The following APOLD1 variants were observed in gnomAD, a reference collection of about 807,000 sequenced individuals.
APOLD1 encodes apolipoprotein L domain containing 1, also known as apolipoprotein L domain-containing protein 1.
In APOLD1, 22 loss-of-function variants were observed where a neutral mutation model predicts 15.3. That is an observed-to-expected ratio of 1.44 (90% CI 1.03 to 2.05). The LOEUF is 2.05. APOLD1 is among the 30% of genes most tolerant of loss of function. The probability of loss-of-function intolerance (pLI) is 0.00; values close to 1 mark genes in which losing one functional copy is unlikely to be tolerated. For missense variants in APOLD1, 394 were observed against 353.5 expected (o/e 1.11, Z -0.92); for synonymous variants, 190 against 167.4 (o/e 1.13, Z -1.04).
chr12:12,746,751 G>T (rs1222795622), intron 1 of APOLD1, among the ~76,000 whole-genome samples: 4 of 152,086 alleles, frequency 2.6e-5, no homozygotes, highest in African/African-American at 9.7e-5. Context: ...AGTAGTGAAC[G>T]TAGTACCTGA....
chr12:12,755,634 A>T (rs1279413437), intron 1 of APOLD1, among the ~76,000 whole-genome samples: 1 of 152,208 alleles, frequency 6.6e-6, no homozygotes, highest in Non-Finnish European at 1.5e-5. Context: ...TAAGCTCAGG[A>T]GTTCAGGACC....
At chr12:12,751,196 G>A (rs2136379939) in intron 1 of APOLD1, among the ~76,000 whole-genome samples, 1 of 152,206 alleles carries the variant, frequency 6.6e-6, no homozygotes, top group East Asian at 1.9e-4. Context: ...TGGTATGAGA[G>A]GGAAGGGTAA....
intron 1 of APOLD1, among the ~76,000 whole-genome samples, chr12:12,759,700 GCCTTGACGTCAGTATAT>G (rs1416520370): frequency 3.9e-5 from 6 of 152,186 alleles, no homozygotes; most frequent in Non-Finnish European, 7.3e-5. Context: ...AGCTCGGGCT[GCCTTGACGTCAGTATAT>G]CCAGTTACCC....
At chr12:12,776,686 T>C (rs996383566) in intron 1 of APOLD1, among the ~76,000 whole-genome samples, 1 of 152,182 alleles carries the variant, frequency 6.6e-6, no homozygotes. Flanking sequence ...CAGCATCAGA[T>C]ATGTCCAAAA....
chr12:12,785,487 A>C (rs1443073028), upstream of APOLD1: 1 of 713,892 alleles, frequency 1.4e-6, no homozygotes, highest in Non-Finnish European at 2.3e-6. Context: ...TCGTTTCCTA[A>C]ATACGGGATG....
chr12:12,760,230 A>G (rs188128303), intron 1 of APOLD1, among the ~76,000 whole-genome samples: 137 of 152,064 alleles, frequency 9.0e-4, no homozygotes, highest in African/African-American at 3.2e-3. Flanking sequence ...GGAGGCTGAG[A>G]TGGGAGGATC....
At chr12:12,755,594 A>G (rs1471534470) in intron 1 of APOLD1, among the ~76,000 whole-genome samples, 1 of 152,242 alleles carries the variant, frequency 6.6e-6, no homozygotes, top group Non-Finnish European at 1.5e-5. Flanking sequence ...TAATCCCAGC[A>G]CTTTCCAAGG....
chr12:12,751,208 G>T (rs1052235490), intron 1 of APOLD1, among the ~76,000 whole-genome samples: 1 of 152,124 alleles, frequency 6.6e-6, no homozygotes, highest in Non-Finnish European at 1.5e-5. Flanking sequence ...GAAGGGTAAC[G>T]TCATGAAGGT....
At chr12:12,728,127 A>G (rs1177740672) in intron 1 of APOLD1, among the ~76,000 whole-genome samples, 1 of 151,656 alleles carries the variant, frequency 6.6e-6, no homozygotes, top group Non-Finnish European at 1.5e-5. Flanking sequence ...CACCACATCC[A>G]GCAGTTTTTT....
rs752328063 is a variant in APOLD1 at position 12,787,643 on chromosome 12, G to A, written c.738G>A (p.Leu246=). Residue 246 remains leucine, a synonymous_variant, in exon 2 of 2, where the codon CTG becomes CTA. Transcript: ENST00000356591. The surrounding 1 kb of genome is among the most constrained non-coding windows in gnomAD (Gnocchi z 4.9). The part of the protein sequence containing the change: ...LKISADQRAG[L]FF Reference sequence around the variant, plus strand: ...TCTCTGCTGACCAGCGTGCAGGGCTGTTTTTCTGAGAACATCCTTTCCCCC... The same window carrying A: ...TCTCTGCTGACCAGCGTGCAGGGCTATTTTTCTGAGAACATCCTTTCCCCC... The A allele has an allele frequency of 5.0e-6, 8 of 1,589,482 alleles. No individual in the cohort carries two copies. In the Admixed American group the frequency reaches 1.4e-4, roughly 27 times the overall value.
At chr12:12,772,482 G>A (rs537954250) in intron 1 of APOLD1, among the ~76,000 whole-genome samples, 1 of 152,328 alleles carries the variant, frequency 6.6e-6, no homozygotes, top group East Asian at 1.9e-4. Context: ...GTCAAAATTT[G>A]TGAAGCAAAA....
intron 1 of APOLD1, among the ~76,000 whole-genome samples, chr12:12,779,699 A>G (rs796635734): frequency 1.3e-5 from 2 of 152,350 alleles, no homozygotes; most frequent in African/African-American, 4.8e-5. Flanking sequence ...TAACAGGGAA[A>G]TGACTAAGCA....
In APOLD1 at chr12:12,787,826, G is replaced by T. The variant is rs1413411901; in HGVS notation, c.*174G>T. 2 of 892,144 alleles carry T rather than the reference G, an allele frequency of 2.2e-6. No homozygotes were observed. Among genetic ancestry groups the T allele is most frequent in the East Asian group, 5.4e-5 (2 of 36,922 alleles). The allele number at this position is 892,144 out of a possible 1,614,324, so 55.3% of individuals were successfully genotyped here. On this transcript the variant is annotated 3_prime_UTR_variant, in exon 2 of 2. Coordinates refer to ENST00000356591, the MANE Select transcript of APOLD1 (RefSeq NM_030817.3). This position sits in a 1 kb window ranked among gnomAD's most constrained non-coding sequence, Gnocchi z 4.9. The stretch of plus-strand genomic sequence containing the variant: ...AAAGCCCTTCTTTTCCCATCACTGT[G>T]ACATCTGCCTGGGCTTGAGTGCTAC...
At chr12:12,781,518 C>T (rs1466419692), upstream of APOLD1, among the ~76,000 whole-genome samples, 1 of 151,080 alleles carries the variant, frequency 6.6e-6, no homozygotes, top group African/African-American at 2.4e-5. Flanking sequence ...GCGTAATTAT[C>T]ACTTTATCTT....
chr12:12,733,059 A>G lies in APOLD1; in HGVS notation c.96+6963A>G, dbSNP rs116941107. Among the ~76,000 whole-genome samples, 33 of 152,134 alleles carry G rather than the reference A, an allele frequency of 2.2e-4. No individual in the cohort carries two copies. In the East Asian group the frequency reaches 5.6e-3, roughly 26 times the overall value. ...CTGGGCAGGGTGGCTCATGCCTGTA[A>G]TCCCAGCACTTTGGGAGACCGAGAG... On this transcript the variant is annotated intron_variant, in intron 1 of 1. Transcript: ENST00000326765.
chr12:12,756,082 C>CT (rs1239664747), intron 1 of APOLD1, among the ~76,000 whole-genome samples: 1 of 152,190 alleles, frequency 6.6e-6, no homozygotes, highest in Non-Finnish European at 1.5e-5. Flanking sequence ...CTGGGAGACT[C>CT]TGAGTGGAGA....
At chr12:12,759,657 T>C (rs1438362547) in intron 1 of APOLD1, among the ~76,000 whole-genome samples, 1 of 152,250 alleles carries the variant, frequency 6.6e-6, no homozygotes, top group African/African-American at 2.4e-5. Context: ...TTTAGCCTTA[T>C]TGAAGTGTGT....
chr12:12,743,924 C>G (rs1946745264), intron 1 of APOLD1, among the ~76,000 whole-genome samples: 2 of 152,260 alleles, frequency 1.3e-5, no homozygotes, highest in South Asian at 4.1e-4. Context: ...AAGGATTCTC[C>G]CCCAGAGCCT....
At chr12:12,733,562 C>T (rs972641025) in intron 1 of APOLD1, among the ~76,000 whole-genome samples, 2 of 152,146 alleles carry the variant, frequency 1.3e-5, no homozygotes, top group African/African-American at 2.4e-5. Flanking sequence ...GCATTTTTAA[C>T]AGTAGATTTT....
Sources: allele counts gnomAD v4.1 joint callset (sites outside exome capture counted in the v4.1 genomes callset), GRCh38; gene constraint gnomAD v4.1.1; non-coding constraint Gnocchi (gnomAD v3.1); transcripts MANE v1.5; gene names NCBI Gene and HGNC (gene_info 2026-07-23, HGNC 2026-07-21).